The following CNTNAP2 variants were observed in gnomAD, a reference collection of about 807,000 sequenced individuals.
CNTNAP2 encodes the protein contactin associated protein 2.
In CNTNAP2, 98 loss-of-function variants were observed where a neutral mutation model predicts 155.2. That is an observed-to-expected ratio of 0.63 (90% CI 0.54 to 0.75). The LOEUF (loss-of-function observed/expected upper bound fraction) is 0.75, where lower values mean the gene tolerates loss of function less well. Ranked by LOEUF, CNTNAP2 falls within the 30% of genes least tolerant of loss-of-function variation. The pLI, the probability that CNTNAP2 is intolerant of heterozygous loss-of-function variation, is 0.00. For missense variants in CNTNAP2, 1,727 were observed against 1,688.1 expected (o/e 1.02, Z -0.40); for synonymous variants, 651 against 631.2 (o/e 1.03, Z -0.47).
intron 21 of CNTNAP2, among the ~76,000 whole-genome samples, chr7:148,350,264 T>C (rs1798404911): frequency 6.6e-6 from 1 of 152,068 alleles, no homozygotes; most frequent in African/African-American, 2.4e-5. Context: ...AAACTGACAC[T>C]CAAAGGGATT....
At chr7:148,037,453 TG>T (rs1378278780) in intron 15 of CNTNAP2, among the ~76,000 whole-genome samples, 1 of 152,230 alleles carries the variant, frequency 6.6e-6, no homozygotes, top group Non-Finnish European at 1.5e-5. Flanking sequence ...TAAATTTTAA[TG>T]GGTTACATCT....
At position 148,244,659 on chromosome 7, in the gene CNTNAP2, C is replaced by T. The variant is rs186352734; in HGVS notation, c.3381+14880C>T. On this transcript the variant is annotated intron_variant, in intron 20 of 23. Transcript: ENST00000361727. ...CTCACTGCAGCCTCCGCCTCCTGGG[C>T]TCAAGCGATCCTCCTGCCTCAGCCT... Among the ~76,000 whole-genome samples, 628 of 151,434 alleles carry T rather than the reference C, an allele frequency of 4.1e-3. 4 individuals carry two copies. The highest frequency in any genetic ancestry group is 0.014 in the African/African-American group (591 of 41,296).
At chr7:147,167,554 TC>T in intron 8 of CNTNAP2, 1 of 817,902 alleles carries the variant, frequency 1.2e-6, no homozygotes. Flanking sequence ...ACAACTGCTC[TC>T]CCAGATGACG....
intron 1 of CNTNAP2, among the ~76,000 whole-genome samples, chr7:146,668,269 T>A (rs1272875594): frequency 6.6e-6 from 1 of 152,174 alleles, no homozygotes. Context: ...ATGTATGATG[T>A]TTATTGATTT....
At chr7:148,117,479 C>T (rs183307230) in intron 15 of CNTNAP2, among the ~76,000 whole-genome samples, 2 of 152,330 alleles carry the variant, frequency 1.3e-5, no homozygotes, top group East Asian at 3.9e-4. Context: ...GAAGCACCTG[C>T]ACCAGGTGTC....
chr7:147,716,733 T>C lies in CNTNAP2; in HGVS notation c.2098+77427T>C, dbSNP rs111258641. ...GCTGTTTGTCAGGAAAAGAATAATT[T>C]CTTGGGCTGCTTTTTGTTAGAAGGG... On this transcript the variant is annotated intron_variant, in intron 13 of 23. Coordinates refer to ENST00000361727, the MANE Select transcript of CNTNAP2 (RefSeq NM_014141.6). 8.0e-3 allele frequency among the ~76,000 whole-genome samples: 1,223 copies of C among 152,218 alleles called. 11 individuals carry two copies. The highest frequency in any genetic ancestry group is 0.028 in the African/African-American group (1,150 of 41,542).
At chr7:147,657,584 A>G (rs74951557) in intron 13 of CNTNAP2, among the ~76,000 whole-genome samples, 18,295 of 152,204 alleles carry the variant, frequency 0.12, 1,429 homozygotes, top group Middle Eastern at 0.24. Flanking sequence ...AAGCAATTCC[A>G]GTAAGATATA....
chr7:147,833,794 G>T (rs1448727413), intron 13 of CNTNAP2, among the ~76,000 whole-genome samples: 1 of 152,208 alleles, frequency 6.6e-6, no homozygotes, highest in Non-Finnish European at 1.5e-5. Flanking sequence ...TAGGCAAGGG[G>T]TTCTGGGAAA....
At chr7:146,839,687 C>T (rs1452314172) in intron 2 of CNTNAP2, 24 bp from the exon 3 acceptor site, 2 of 1,612,936 alleles carry the variant, frequency 1.2e-6, no homozygotes, top group African/African-American at 2.7e-5. Context: ...TTCATTTTCC[C>T]ATCTTACCTC....
At chr7:147,863,004 A>G (rs1015698042) in intron 13 of CNTNAP2, among the ~76,000 whole-genome samples, 7 of 152,118 alleles carry the variant, frequency 4.6e-5, no homozygotes, top group Non-Finnish European at 7.3e-5. Flanking sequence ...AGAGGTATAC[A>G]TATGCCATGT....
chr7:147,207,020 C>A (rs1197423700), intron 8 of CNTNAP2, among the ~76,000 whole-genome samples: 1 of 152,008 alleles, frequency 6.6e-6, no homozygotes, highest in African/African-American at 2.4e-5. Context: ...ATATTTGCAC[C>A]AAGGAAGTGA....
At chr7:147,286,568 T>C (rs1805184065) in intron 8 of CNTNAP2, among the ~76,000 whole-genome samples, 1 of 151,976 alleles carries the variant, frequency 6.6e-6, no homozygotes, top group African/African-American at 2.4e-5. Flanking sequence ...TAAAGTCAAA[T>C]GGTGCAATTA....
chr7:146,190,310 C>A (rs1012736028), intron 1 of CNTNAP2, among the ~76,000 whole-genome samples: 10 of 152,066 alleles, frequency 6.6e-5, no homozygotes, highest in African/African-American at 2.2e-4. Flanking sequence ...TTCTTCTATG[C>A]AGGAACCAAT....
chr7:146,312,308 G>A (rs1479194753), intron 1 of CNTNAP2, among the ~76,000 whole-genome samples: 1 of 152,134 alleles, frequency 6.6e-6, no homozygotes, highest in Non-Finnish European at 1.5e-5. Flanking sequence ...GAGGGTGAGA[G>A]TTAGTTGATG....
chr7:147,490,968 A>G (rs1798599695), intron 11 of CNTNAP2, among the ~76,000 whole-genome samples: 1 of 152,108 alleles, frequency 6.6e-6, no homozygotes. Context: ...TGAGAATAGC[A>G]TGGAGGAACT....
intron 1 of CNTNAP2, among the ~76,000 whole-genome samples, chr7:146,168,316 A>T (rs570072707): frequency 6.6e-6 from 1 of 152,290 alleles, no homozygotes; most frequent in African/African-American, 2.4e-5. Flanking sequence ...GTATGCTCAT[A>T]CATTCCCTAT....
intron 1 of CNTNAP2, among the ~76,000 whole-genome samples, chr7:146,214,428 G>T (rs1026979026): frequency 1.3e-5 from 2 of 152,156 alleles, no homozygotes; most frequent in Admixed American, 1.3e-4. Flanking sequence ...GTTATTTCCA[G>T]AAGGGAAAAT....
chr7:146,745,279 T>G (rs1343874777), intron 1 of CNTNAP2, among the ~76,000 whole-genome samples: 1 of 152,196 alleles, frequency 6.6e-6, no homozygotes, highest in African/African-American at 2.4e-5. Context: ...TGCTAGGTAT[T>G]GCTCCTAGAG....
intron 3 of CNTNAP2, among the ~76,000 whole-genome samples, chr7:146,889,496 T>G (rs1232945333): frequency 6.6e-6 from 1 of 152,110 alleles, no homozygotes; most frequent in Non-Finnish European, 1.5e-5. Context: ...AATACTAAGC[T>G]GTATTGTGAT....
Sources: gnomAD v4.1 joint callset for allele counts (sites outside exome capture counted in the v4.1 genomes callset) on GRCh38, gnomAD v4.1.1 for gene constraint, MANE v1.5 for transcripts, NCBI Gene and HGNC (gene_info 2026-07-23, HGNC 2026-07-21) for gene names.